The following ROCK2 variants were observed in gnomAD, a reference collection of about 807,000 sequenced individuals.
ROCK2 encodes Rho associated coiled-coil containing protein kinase 2, also known as rho-associated protein kinase 2.
ROCK2 carries 61 observed loss-of-function variants against 195.1 expected under a neutral mutation model. That is an observed-to-expected ratio of 0.31 (90% CI 0.25 to 0.39). ROCK2 has a LOEUF of 0.39. ROCK2 is among the 10% of genes least tolerant of loss of function. The pLI is 1.00. For synonymous variants in ROCK2, 504 were observed against 545.5 expected, an observed-to-expected ratio of 0.92 and a Z score of 1.06; for missense variants, 1,109 against 1,637.4, an observed-to-expected ratio of 0.68 and a Z score of 5.57.
chr2:11,261,891 T>TG (rs1215653128), intron 3 of ROCK2, among the ~76,000 whole-genome samples: 13 of 152,262 alleles, frequency 8.5e-5, no homozygotes, highest in African/African-American at 3.1e-4. Flanking sequence ...AACTCCTAGC[T>TG]GTTTATGAAC....
At chr2:11,270,333 ATCTAACGTTTAAGACATTTATTCT>A (rs1370164027) in intron 3 of ROCK2, among the ~76,000 whole-genome samples, 6 of 152,240 alleles carry the variant, frequency 3.9e-5, no homozygotes, top group African/African-American at 1.4e-4. Flanking sequence ...ATATTCCTAA[ATCTAACGTTTAAGACATTTATTCT>A]GCTTTCTGTT....
chr2:11,256,294 T>C (rs1666031931), intron 3 of ROCK2, among the ~76,000 whole-genome samples: 1 of 151,248 alleles, frequency 6.6e-6, no homozygotes, highest in Non-Finnish European at 1.5e-5. Flanking sequence ...GACTTCCCCC[T>C]TGTTGTTCTC....
At chr2:11,230,865 T>C (rs1010044151) in intron 5 of ROCK2, among the ~76,000 whole-genome samples, 5 of 152,110 alleles carry the variant, frequency 3.3e-5, no homozygotes, top group Non-Finnish European at 5.9e-5. Context: ...GAAAAAAAAC[T>C]GTAAATGGAA....
chr2:11,193,955 T>C, intron 29 of ROCK2, 98 bp from the exon 30 acceptor site: 1 of 574,176 alleles, frequency 1.7e-6, no homozygotes, highest in Non-Finnish European at 2.9e-6. Context: ...CACTGACTAC[T>C]TTGACCCATG....
Position 11,313,284 on chromosome 2 carries a change from T to C in ROCK2, c.142-25548A>G, listed in dbSNP as rs544338544. Among the ~76,000 whole-genome samples the C allele has an allele frequency of 9.2e-5, 14 of 152,158 alleles. No individual in the cohort carries two copies. The East Asian group carries it at 2.7e-3, about 29-fold the overall frequency. On this transcript the variant is annotated intron_variant, in intron 1 of 32. Transcript: ENST00000315872. ...ATTTTCTGTAAACCTACAACTGTTC[T>C]AGTCTATTAACTATTAACTAAAGAC...
intron 3 of ROCK2, among the ~76,000 whole-genome samples, chr2:11,269,404 C>T (rs1272436625): frequency 2.0e-5 from 3 of 151,402 alleles, no homozygotes; most frequent in East Asian, 3.9e-4. Flanking sequence ...ACTAGCTACT[C>T]AGGAGGCTGA....
intron 1 of ROCK2, chr2:11,308,850 A>G: frequency 1.2e-6 from 2 of 1,611,928 alleles, no homozygotes; most frequent in Admixed American, 1.7e-5. Flanking sequence ...GAACTATACA[A>G]GAAACCCACT....
chr2:11,243,182 G>C (rs1665489219), intron 4 of ROCK2, among the ~76,000 whole-genome samples: 1 of 152,162 alleles, frequency 6.6e-6, no homozygotes, highest in Non-Finnish European at 1.5e-5. Flanking sequence ...TTTGAAACTG[G>C]ATCCTCCTGC....
At chr2:11,337,913 G>T (rs1463609351) in intron 1 of ROCK2, among the ~76,000 whole-genome samples, 1 of 152,080 alleles carries the variant, frequency 6.6e-6, no homozygotes, top group Non-Finnish European at 1.5e-5. Flanking sequence ...AAAGTGCTGA[G>T]ATTACAGGCA....
At chr2:11,343,448 A>C (rs1669172207) in intron 1 of ROCK2, among the ~76,000 whole-genome samples, 1 of 152,222 alleles carries the variant, frequency 6.6e-6, no homozygotes, top group Admixed American at 6.5e-5. Context: ...ACAGCAATTA[A>C]AATGCACTAA....
At chr2:11,317,602 A>ATTTTT (rs1260148475) in intron 1 of ROCK2, among the ~76,000 whole-genome samples, 1 of 16,500 alleles carries the variant, frequency 6.1e-5, no homozygotes, top group African/African-American at 1.9e-4. Context: ...ATATATATAT[A>ATTTTT]TATATATATA....
chr2:11,254,863 A>G (rs554164996), intron 3 of ROCK2, among the ~76,000 whole-genome samples: 1 of 151,906 alleles, frequency 6.6e-6, no homozygotes, highest in East Asian at 1.9e-4. Context: ...ACAAAACCTA[A>G]CATTAAACCC....
chr2:11,203,131 T>A (rs1184426512), intron 20 of ROCK2, among the ~76,000 whole-genome samples: 1 of 152,132 alleles, frequency 6.6e-6, no homozygotes, highest in Non-Finnish European at 1.5e-5. Flanking sequence ...AATAAAATAA[T>A]AAATAAAATA....
chr2:11,235,715 A>G lies in ROCK2; in HGVS notation c.710T>C (p.Met237Thr). The G allele has an allele frequency of 6.2e-7, 1 of 1,611,762 alleles. No individual in the cohort carries two copies. The highest frequency in any genetic ancestry group is 8.5e-7 in the Non-Finnish European group (1 of 1,179,048). ...HLKLADFGTC[M>T]KMDETGMVHC... Reference sequence around the variant, plus strand: ...TTGCTTACTTACTTCATCCATCTTCATACACGTGCCAAAATCTGCTAATTT... The same window carrying G: ...TTGCTTACTTACTTCATCCATCTTCGTACACGTGCCAAAATCTGCTAATTT... The change falls in exon 5 of 33, where the codon ATG becomes ACG. Residue 237 changes from methionine to threonine, a missense_variant. By Grantham distance (81) the Met-to-Thr change is moderately conservative (BLOSUM62 -1). Transcript: ENST00000315872. The surrounding 1 kb of genome is among the most constrained non-coding windows in gnomAD (Gnocchi z 4.2).
intron 9 of ROCK2, among the ~76,000 whole-genome samples, chr2:11,219,541 TA>T (rs973880216): frequency 2.0e-5 from 3 of 151,990 alleles, no homozygotes; most frequent in African/African-American, 7.2e-5. Context: ...AATCAAATGC[TA>T]AACTTTTCTT....
chr2:11,187,749 G>A (rs1663251395), intron 32 of ROCK2, among the ~76,000 whole-genome samples: 1 of 152,034 alleles, frequency 6.6e-6, no homozygotes, highest in South Asian at 2.1e-4. Context: ...TGTTTTCTTT[G>A]CTTTTATTAT....
intron 1 of ROCK2, among the ~76,000 whole-genome samples, chr2:11,319,510 T>C (rs1041762920): frequency 1.3e-5 from 2 of 152,198 alleles, no homozygotes; most frequent in Admixed American, 6.6e-5. Context: ...GCTGAGACGA[T>C]GGGGTTTTCT....
At chr2:11,207,557 A>C (rs557176473) in intron 20 of ROCK2, among the ~76,000 whole-genome samples, 169 bp downstream of exon 20, 3 of 152,340 alleles carry the variant, frequency 2.0e-5, no homozygotes, top group East Asian at 3.9e-4. Context: ...TGGGGAAACG[A>C]ATATAATCTC....
chr2:11,329,249 C>A (rs570216641), intron 1 of ROCK2, among the ~76,000 whole-genome samples: 10 of 152,086 alleles, frequency 6.6e-5, no homozygotes, highest in African/African-American at 2.4e-4. Flanking sequence ...TCTTTATGTA[C>A]TTTGGTGGAA....
Sources: allele counts gnomAD v4.1 joint callset (sites outside exome capture counted in the v4.1 genomes callset), GRCh38; gene constraint gnomAD v4.1.1; non-coding constraint Gnocchi (gnomAD v3.1); transcripts MANE v1.5; gene names NCBI Gene and HGNC (gene_info 2026-07-23, HGNC 2026-07-21).